BSN: variants seen among roughly 807,000 people sequenced by gnomAD.
BSN encodes the protein protein bassoon.
A neutral mutation model predicts 264.8 loss-of-function variants in BSN; 57 were observed. That is an observed-to-expected ratio of 0.22 (90% confidence interval 0.17 to 0.27). The LOEUF (loss-of-function observed/expected upper bound fraction) is 0.27. Ranked by LOEUF, BSN falls within the 10% of genes least tolerant of loss-of-function variation. BSN has a pLI of 1.00. For synonymous variants in BSN, 2,059 were observed against 2,137.3 expected (o/e 0.96, Z 1.01); for missense variants, 4,615 against 5,232.5 (o/e 0.88, Z 3.64).
At chr3:49,568,117 A>G (rs1361041002) in intron 1 of BSN, among the ~76,000 whole-genome samples, 1 of 152,240 alleles carries the variant, frequency 6.6e-6, no homozygotes, top group Admixed American at 6.5e-5. Context: ...TTACTAACAC[A>G]GTCACAAGAT....
intron 1 of BSN, among the ~76,000 whole-genome samples, chr3:49,615,164 C>G (rs73074893): frequency 0.083 from 12,633 of 152,260 alleles, 771 homozygotes; most frequent in Non-Finnish European, 0.13. Flanking sequence ...AACAGGCTGG[C>G]CTGGAACAAA....
At chr3:49,592,611 C>T (rs531953032) in intron 1 of BSN, among the ~76,000 whole-genome samples, 12 of 150,984 alleles carry the variant, frequency 7.9e-5, no homozygotes, top group Admixed American at 2.0e-4. Flanking sequence ...ATTAGCCGGG[C>T]GTGGTGGCGG....
At position 49,652,238 on chromosome 3, in the gene BSN, G is replaced by A; in HGVS notation, c.2682G>A (p.Lys894=). The stretch of plus-strand genomic sequence containing the variant: ...GCCAAGAACCAGCAGCACTGCCCAA[G>A]AGGCGCCTGCCCCACAATGCCACCA... ...EPSQEPAALP[K]RRLPHNATTG... The change falls in exon 5 of 12, where the codon AAG becomes AAA. Residue 894 remains lysine (K), a synonymous_variant. Coordinates refer to ENST00000296452, the MANE Select transcript of BSN (RefSeq NM_003458.4). 1 of 1,607,818 alleles carries A rather than the reference G, an allele frequency of 6.2e-7. No homozygotes were observed. The highest frequency in any genetic ancestry group is 8.5e-7 in the Non-Finnish European group (1 of 1,176,486).
chr3:49,576,688 C>T (rs898823239), intron 1 of BSN, among the ~76,000 whole-genome samples: 1 of 152,194 alleles, frequency 6.6e-6, no homozygotes, highest in Non-Finnish European at 1.5e-5. Flanking sequence ...TCCCAAAGTG[C>T]TGGGATTACA....
Position 49,661,397 on chromosome 3 carries a change from A to G in BSN, c.9552A>G (p.Ala3184=). Residue 3184 remains alanine, a synonymous_variant, in exon 6 of 12, where the codon GCA becomes GCG. Coordinates refer to ENST00000296452, the MANE Select transcript of BSN (RefSeq NM_003458.4). ...APSETSYSGP[A]VSSGYEQGKV... is the part of the protein sequence containing the mutation. Reference sequence around the variant, plus strand: ...CTGAAACCAGCTACAGTGGCCCAGCAGTGAGCAGCGGCTATGAGCAGGGCA... The same window carrying G: ...CTGAAACCAGCTACAGTGGCCCAGCGGTGAGCAGCGGCTATGAGCAGGGCA... 6.2e-7 allele frequency: 1 copy of G among 1,613,958 alleles called. No homozygotes were observed. The highest frequency in any genetic ancestry group is 1.1e-5 in the South Asian group (1 of 91,086).
Position 49,651,088 on chromosome 3 carries a change from C to T in BSN, c.1986+9C>T. 6.3e-7 allele frequency: 1 copy of T among 1,596,448 alleles called. No homozygotes were observed. Among genetic ancestry groups the T allele is most frequent in the Non-Finnish European group, 8.5e-7 (1 of 1,175,494 alleles). On this transcript the variant is annotated intron_variant, in intron 4 of 11. Coordinates refer to ENST00000296452, the MANE Select transcript of BSN (RefSeq NM_003458.4). This position sits in a 1 kb window ranked among gnomAD's most constrained non-coding sequence, Gnocchi z 5.4. ...AGGGTGGGGAGGCGGAGGTCAGTCC[C>T]ATTCACTTCCCAGAGACCCTAGCTT...
intron 1 of BSN, among the ~76,000 whole-genome samples, chr3:49,620,109 A>G (rs1314947136): frequency 6.6e-6 from 1 of 152,144 alleles, no homozygotes; most frequent in Non-Finnish European, 1.5e-5. Flanking sequence ...TTTTAAATAG[A>G]TTCAGGGTAA....
At position 49,654,205 on chromosome 3, in the gene BSN, C is replaced by G; in HGVS notation, c.4649C>G (p.Ser1550Cys). ...ACGCCTCGCCTGGTGTGGCAGGAGT[C>G]CTCTCAAGAGGCTCCCTTTATGGTC... ...PSTPRLVWQE[S>C]SQEAPFMVIT... Residue 1550 changes from serine (S) to cysteine (C), a missense_variant, in exon 5 of 12, where the codon TCC (serine) becomes TGC (cysteine). Physicochemically the swap from Ser to Cys is moderately radical, Grantham distance 112. Transcript: ENST00000296452. This position sits in a 1 kb window ranked among gnomAD's most constrained non-coding sequence, Gnocchi z 4.1. The G allele has an allele frequency of 6.2e-7, 1 of 1,613,876 alleles. No individual in the cohort carries two copies.
At chr3:49,649,585 A>G (rs2052523627) in intron 3 of BSN, among the ~76,000 whole-genome samples, 1 of 152,176 alleles carries the variant, frequency 6.6e-6, no homozygotes, top group African/African-American at 2.4e-5. Context: ...TCACCCATTT[A>G]GGCCTCAGAG....
Position 49,657,273 on chromosome 3 carries a change from G to A in BSN, c.7717G>A (p.Glu2573Lys). 6.2e-7 allele frequency: 1 copy of A among 1,613,464 alleles called. No homozygotes were observed. The highest frequency in any genetic ancestry group is 8.5e-7 in the Non-Finnish European group (1 of 1,179,964). The stretch of plus-strand genomic sequence containing the variant: ...TGCCTGTGAGCTAGAGTCTGGGACT[G>A]AGCCCTGTGTGGTCAGGAGGATTGC... ...RDACELESGT[E>K]PCVVRRIADS... The change falls in exon 5 of 12, where the codon GAG becomes AAG. Residue 2573 changes from glutamate to lysine, a missense_variant. Physicochemically the swap from Glu to Lys is moderately conservative, Grantham distance 56 (BLOSUM62 1). Coordinates refer to ENST00000296452, the MANE Select transcript of BSN (RefSeq NM_003458.4).
chr3:49,656,537 T>C lies in BSN; in HGVS notation c.6981T>C (p.Ala2327=), dbSNP rs758969662. ...TCAAGGAGGCTGCAGGAGCCCCAGC[T>C]CCTGCCCCACTAGCTGGCCAGAAGC... ...AAIKEAAGAP[A]PAPLAGQKPP... Residue 2327 remains alanine, a synonymous_variant, in exon 5 of 12, where the codon GCT becomes GCC. Coordinates refer to ENST00000296452, the MANE Select transcript of BSN (RefSeq NM_003458.4). 5 of 1,569,490 alleles carry C rather than the reference T, an allele frequency of 3.2e-6. No homozygotes were observed. The highest frequency in any genetic ancestry group is 1.4e-5 in the African/African-American group (1 of 73,224).
intron 3 of BSN, among the ~76,000 whole-genome samples, chr3:49,648,631 C>T (rs567921723): frequency 1.6e-4 from 25 of 152,356 alleles, no homozygotes; most frequent in Non-Finnish European, 3.2e-4. Context: ...ATCTGGGGCT[C>T]GGTCTCAACC....
intron 1 of BSN, among the ~76,000 whole-genome samples, chr3:49,614,359 G>A (rs896764640): frequency 6.6e-6 from 1 of 152,092 alleles, no homozygotes; most frequent in Non-Finnish European, 1.5e-5. Flanking sequence ...GCGCCCGGCC[G>A]ACATTCAGTC....
chr3:49,640,075 C>T (rs2052448939), intron 2 of BSN, among the ~76,000 whole-genome samples: 3 of 152,244 alleles, frequency 2.0e-5, no homozygotes, highest in Non-Finnish European at 4.4e-5. Flanking sequence ...CCTTCTGCCC[C>T]AGAGATGAGA....
intron 5 of BSN, among the ~76,000 whole-genome samples, chr3:49,659,559 A>G (rs571395144): frequency 3.9e-5 from 6 of 152,282 alleles, no homozygotes; most frequent in African/African-American, 1.4e-4. Flanking sequence ...ATATATTGGA[A>G]TTTGGGTGGT....
In BSN at chr3:49,664,451, A is replaced by T; in HGVS notation, c.11637A>T (p.Gly3879=). 6.2e-7 allele frequency: 1 copy of T among 1,613,554 alleles called. No individual in the cohort carries two copies. The highest frequency in any genetic ancestry group is 8.5e-7 in the Non-Finnish European group (1 of 1,179,958). The change falls in exon 9 of 12, where the codon GGA becomes GGT. Residue 3879 remains glycine, a synonymous_variant. Transcript: ENST00000296452. ...TGAAGGCTGGAGCCAGGCCTGGAGG[A>T]ACCCCAGGGGCTCCCGCCGGCCAGC... ...AGVKAGARPG[G]TPGAPAGQPG...
In BSN at chr3:49,654,557, C is replaced by T. The variant is rs1168951764; in HGVS notation, c.5001C>T (p.Asp1667=). 6.2e-7 allele frequency: 1 copy of T among 1,610,444 alleles called. No homozygotes were observed. Among genetic ancestry groups the T allele is most frequent in the Non-Finnish European group, 8.5e-7 (1 of 1,178,066 alleles). Reference sequence around the variant, plus strand: ...GGACCCCTGGCACTGCAGTGGTAGACCTCCGTACAGCTGTCAAGCCCACTC... The same window carrying T: ...GGACCCCTGGCACTGCAGTGGTAGATCTCCGTACAGCTGTCAAGCCCACTC... ...GPRTPGTAVV[D]LRTAVKPTPI... The change falls in exon 5 of 12, where the codon GAC becomes GAT. Residue 1667 remains aspartate (D), a synonymous_variant. Transcript: ENST00000296452. The surrounding 1 kb of genome is among the most constrained non-coding windows in gnomAD (Gnocchi z 4.1).
At chr3:49,605,903 TATAA>T (rs1326409255) in intron 1 of BSN, among the ~76,000 whole-genome samples, 1 of 872 alleles carries the variant, frequency 1.1e-3, no homozygotes, top group East Asian at 0.083. Flanking sequence ...TTTATGTCTA[TATAA>T]ATAGATATAA....
chr3:49,570,025 G>A (rs1366007689), intron 1 of BSN, among the ~76,000 whole-genome samples: 1 of 152,154 alleles, frequency 6.6e-6, no homozygotes, highest in Non-Finnish European at 1.5e-5. Context: ...TTTGACTTTG[G>A]GATGTATATT....
Sources: gnomAD v4.1 joint callset for allele counts (sites outside exome capture counted in the v4.1 genomes callset) on GRCh38, gnomAD v4.1.1 for gene constraint, Gnocchi (gnomAD v3.1) non-coding constraint, MANE v1.5 for transcripts, NCBI Gene and HGNC (gene_info 2026-07-23, HGNC 2026-07-21) for gene names.